Variants in LZIC observed in about 807,000 individuals in gnomAD.
LZIC encodes the protein leucine zipper and CTNNBIP1 domain containing.
Under a neutral mutation model 25.4 loss-of-function variants are expected in LZIC, and 28 were observed. The ratio of observed to expected loss-of-function variants is 1.10; its 90% confidence interval spans 0.82 to 1.51. LZIC has a LOEUF of 1.51. Ranked by LOEUF, LZIC falls within the 40% of genes most tolerant of loss-of-function variation. The probability of loss-of-function intolerance (pLI) is 0.00; values close to 1 mark genes in which losing one functional copy is unlikely to be tolerated. For synonymous variants in LZIC, 65 were observed against 70.7 expected, an observed-to-expected ratio of 0.92 and a Z score of 0.40; for missense variants, 170 against 211.1, an observed-to-expected ratio of 0.81 and a Z score of 1.21.
At position 9,927,797 on chromosome 1, in the gene LZIC, C is replaced by T. The variant is rs1010980954; in HGVS notation, c.*2602G>A. On this transcript the variant is annotated 3_prime_UTR_variant, in exon 8 of 8. Transcript: ENST00000377223. ...CTCCCAGGTTCAAGTGATTCTCCTG[C>T]CTCAGTCTCCCAAGTAGCTGAGACT... 2.7e-5 allele frequency among the ~76,000 whole-genome samples: 4 copies of T among 150,908 alleles called. No homozygotes were observed. Among genetic ancestry groups the T allele is most frequent in the African/African-American group, 7.3e-5 (3 of 41,136 alleles).
At chr1:9,940,957 C>T (rs1265171069) in intron 2 of LZIC, among the ~76,000 whole-genome samples, 1 of 152,178 alleles carries the variant, frequency 6.6e-6, no homozygotes, top group Non-Finnish European at 1.5e-5. Context: ...CTGACAATGT[C>T]TTTTCAGAGT....
In LZIC at chr1:9,927,874, T is replaced by C. The variant is rs1386362540; in HGVS notation, c.*2525A>G. On this transcript the variant is annotated 3_prime_UTR_variant, in exon 8 of 8. Transcript: ENST00000377223. ...AATTTTTGTAGAGATGGAGTTTCAC[T>C]GTGTTGGCCAGGCTGGTCTTGAGCT... Among the ~76,000 whole-genome samples, 3 of 150,614 alleles carry C rather than the reference T, an allele frequency of 2.0e-5. No individual in the cohort carries two copies. Among genetic ancestry groups the C allele is most frequent in the Non-Finnish European group, 4.4e-5 (3 of 67,532 alleles).
chr1:9,938,338 ATT>A (rs1197133332), intron 2 of LZIC, among the ~76,000 whole-genome samples: 2 of 151,824 alleles, frequency 1.3e-5, no homozygotes, highest in Non-Finnish European at 2.9e-5. Context: ...TGGCTAATTT[ATT>A]TTTTTGTAGA....
At chr1:9,942,366 C>T (rs922834214) in intron 2 of LZIC, among the ~76,000 whole-genome samples, 1 of 152,124 alleles carries the variant, frequency 6.6e-6, no homozygotes, top group Admixed American at 6.5e-5. Flanking sequence ...CAGAATAGAA[C>T]GTCGATAATT....
chr1:9,939,088 T>A (rs1007949323), intron 2 of LZIC, among the ~76,000 whole-genome samples: 5 of 150,710 alleles, frequency 3.3e-5, no homozygotes, highest in Admixed American at 1.3e-4. Context: ...AATCACTTCT[T>A]TTTTTTTTAG....
intron 7 of LZIC, 25 bp from the exon 8 acceptor site, chr1:9,930,482 C>T (rs752769691): frequency 1.7e-5 from 27 of 1,610,756 alleles, no homozygotes; most frequent in Non-Finnish European, 2.2e-5. Context: ...ACATAATAAA[C>T]AAAAAGATTA....
intron 2 of LZIC, among the ~76,000 whole-genome samples, chr1:9,937,029 C>T (rs935946580): frequency 2.0e-5 from 3 of 151,838 alleles, no homozygotes; most frequent in African/African-American, 4.8e-5. Context: ...TTTTGGAAGC[C>T]GAGGTGGGTG....
At position 9,931,984 on chromosome 1, in the gene LZIC, G is replaced by C. The variant is rs759720354; in HGVS notation, c.433-12C>G. ...TCATCTGCAGTCAGCTAAACAAAAT[G>C]AAACAAAGTCCAGTTGAGTGGGTAA... is the stretch of plus-strand genomic sequence containing the variant. On this transcript the variant is annotated splice_polypyrimidine_tract_variant and intron_variant, in intron 6 of 7. Coordinates refer to ENST00000377223, the MANE Select transcript of LZIC (RefSeq NM_032368.5). The C allele has an allele frequency of 6.3e-7, 1 of 1,598,632 alleles. No homozygotes were observed. The highest frequency in any genetic ancestry group is 1.1e-5 in the South Asian group (1 of 90,664).
chr1:9,934,761 C>A lies in LZIC; in HGVS notation c.336+1G>T, dbSNP rs909233530. 1 of 1,612,136 alleles carries A rather than the reference C, an allele frequency of 6.2e-7. No individual in the cohort carries two copies. The highest frequency in any genetic ancestry group is 8.5e-7 in the Non-Finnish European group (1 of 1,178,442). On this transcript the variant is annotated splice_donor_variant, in intron 5 of 7. Transcript: ENST00000377223. LOFTEE classifies it high-confidence loss of function. ...ACCAAATCAATTTAAAGAAATTTTA[C>A]CTCTGCTAACCTTGTCCGAAGCTGA... is the stretch of plus-strand genomic sequence containing the variant.
chr1:9,931,881 G>A lies in LZIC; in HGVS notation c.514+10C>T, dbSNP rs753867119. The stretch of plus-strand genomic sequence containing the variant: ...ATACGACCAGCTTTCAGAAATATGA[G>A]GGCACTCACCAAGGTCTGTAGAGAC... On this transcript the variant is annotated intron_variant, in intron 7 of 7. Coordinates refer to ENST00000377223, the MANE Select transcript of LZIC (RefSeq NM_032368.5). 1.3e-6 allele frequency: 2 copies of A among 1,596,818 alleles called. No individual in the cohort carries two copies. The highest frequency in any genetic ancestry group is 1.7e-6 in the Non-Finnish European group (2 of 1,167,466).
chr1:9,942,991 T>G, intron 1 of LZIC: 2 of 344,674 alleles, frequency 5.8e-6, no homozygotes, highest in Admixed American at 3.8e-5. Context: ...GGACACGCCT[T>G]GAGGGATGGC....
chr1:9,936,412 A>T (rs1640459257), intron 3 of LZIC, 107 bp downstream of exon 3: 12 of 715,178 alleles, frequency 1.7e-5, no homozygotes, highest in Non-Finnish European at 3.0e-5. Flanking sequence ...CACTGCAAAG[A>T]ACACTACAGG....
At chr1:9,940,199 CAG>C (rs1027135154) in intron 2 of LZIC, among the ~76,000 whole-genome samples, 10 of 151,464 alleles carry the variant, frequency 6.6e-5, no homozygotes, top group Non-Finnish European at 2.9e-5. Context: ...TGTTTTGAGA[CAG>C]AGTCTTGCTC....
downstream of LZIC, among the ~76,000 whole-genome samples, chr1:9,922,524 T>C (rs536306979): frequency 6.6e-6 from 1 of 152,212 alleles, no homozygotes; most frequent in Non-Finnish European, 1.5e-5. Flanking sequence ...TCCTAGGAGA[T>C]AAAAAGGCGC....
chr1:9,943,156 C>T (rs1228538694), intron 1 of LZIC, 93 bp downstream of exon 1: 1 of 177,464 alleles, frequency 5.6e-6, no homozygotes, highest in Non-Finnish European at 1.2e-5. Flanking sequence ...AAGTCCGGCA[C>T]GTAGGTCCCG....
chr1:9,930,807 C>T (rs1640179986), intron 7 of LZIC, among the ~76,000 whole-genome samples: 1 of 151,778 alleles, frequency 6.6e-6, no homozygotes, highest in Non-Finnish European at 1.5e-5. Context: ...GCAACTTCCA[C>T]CTCCTGGGTT....
chr1:9,923,518 C>CTTTTTTTTTTTT (rs60858066), downstream of LZIC, among the ~76,000 whole-genome samples: 58 of 74,170 alleles, frequency 7.8e-4, no homozygotes, highest in Non-Finnish European at 1.3e-3. Flanking sequence ...CCCAATGCTT[C>CTTTTTTTTTTTT]TTTTTTTTTT....
chr1:9,938,606 G>A (rs949445803), intron 2 of LZIC, among the ~76,000 whole-genome samples: 1 of 152,182 alleles, frequency 6.6e-6, no homozygotes, highest in East Asian at 1.9e-4. Flanking sequence ...AGGCTGGAGT[G>A]CAGTGGCATG....
In LZIC at chr1:9,930,365, G is replaced by C; in HGVS notation, c.*34C>G. 6.2e-7 allele frequency: 1 copy of C among 1,606,524 alleles called. No individual in the cohort carries two copies. On this transcript the variant is annotated 3_prime_UTR_variant, in exon 8 of 8. Transcript: ENST00000377223. Reference sequence around the variant, plus strand: ...AGAAGAAAGACACCATTTACATTAAGAATGTGATCAATGTTACAAGCTTCT... The same window carrying C: ...AGAAGAAAGACACCATTTACATTAACAATGTGATCAATGTTACAAGCTTCT...
Sources: gnomAD v4.1 joint callset for allele counts (sites outside exome capture counted in the v4.1 genomes callset) on GRCh38, gnomAD v4.1.1 for gene constraint, MANE v1.5 for transcripts, NCBI Gene and HGNC (gene_info 2026-07-23, HGNC 2026-07-21) for gene names.